The following BRINP1 variants were observed in gnomAD, a reference collection of about 807,000 sequenced individuals.
BRINP1 encodes the protein BMP/retinoic acid inducible neural specific 1.
In BRINP1, 17 loss-of-function variants were observed where a neutral mutation model predicts 72.9. That is an observed-to-expected ratio of 0.23 (90% CI 0.16 to 0.35). BRINP1 has a LOEUF of 0.35. Among genes scored for constraint, BRINP1 ranks in the 10% least tolerant of loss-of-function variants. The pLI is 1.00. For missense variants in BRINP1, 850 were observed against 1,001.6 expected (o/e 0.85, Z 2.04); for synonymous variants, 418 against 378.5 (o/e 1.10, Z -1.21).
At chr9:119,240,961 A>G (rs1830242135) in intron 4 of BRINP1, among the ~76,000 whole-genome samples, 1 of 152,218 alleles carries the variant, frequency 6.6e-6, no homozygotes. Flanking sequence ...TTTGAGATGG[A>G]AACATCTGCA....
intron 2 of BRINP1, among the ~76,000 whole-genome samples, chr9:119,276,088 G>A (rs183454215): frequency 6.6e-6 from 1 of 151,204 alleles, no homozygotes; most frequent in East Asian, 1.9e-4. Context: ...TCTCTTTCAT[G>A]CTTTTATCCC....
At chr9:119,231,893 C>A (rs1250868076) in intron 5 of BRINP1, among the ~76,000 whole-genome samples, 1 of 152,016 alleles carries the variant, frequency 6.6e-6, no homozygotes, top group Non-Finnish European at 1.5e-5. Flanking sequence ...CCCTCTCTCC[C>A]AAAGTAATCT....
chr9:119,209,773 A>G (rs1358748480), intron 6 of BRINP1, among the ~76,000 whole-genome samples: 2 of 152,234 alleles, frequency 1.3e-5, no homozygotes, highest in African/African-American at 2.4e-5. Context: ...AGCAAGTGTT[A>G]GGTGTTAAAG....
At chr9:119,314,383 T>G (rs1018855055) in intron 1 of BRINP1, among the ~76,000 whole-genome samples, 1 of 152,318 alleles carries the variant, frequency 6.6e-6, no homozygotes, top group African/African-American at 2.4e-5. Context: ...TTGTTTTGTT[T>G]GAGACGGAGT....
chr9:119,361,035 G>A (rs1831623703), intron 1 of BRINP1, among the ~76,000 whole-genome samples: 1 of 152,152 alleles, frequency 6.6e-6, no homozygotes, highest in South Asian at 2.1e-4. Context: ...GAAAACCTCT[G>A]CAAACTGAGA....
chr9:119,181,908 A>G (rs1829562314), intron 7 of BRINP1, among the ~76,000 whole-genome samples: 1 of 152,198 alleles, frequency 6.6e-6, no homozygotes. Flanking sequence ...TAATAATACA[A>G]TCCTTGCAAG....
At chr9:119,271,341 A>G (rs1437225231) in intron 2 of BRINP1, among the ~76,000 whole-genome samples, 1 of 151,446 alleles carries the variant, frequency 6.6e-6, no homozygotes, top group Non-Finnish European at 1.5e-5. Flanking sequence ...AAAAAAATCA[A>G]TATGTGGCCT....
chr9:119,167,095 T>C lies in BRINP1; in HGVS notation c.2275A>G (p.Lys759Glu), dbSNP rs1829323085. The change falls in exon 8 of 8, where the codon AAA becomes GAA. Residue 759 changes from lysine (K) to glutamate (E), a missense_variant. Lys to Glu is a moderately conservative substitution (Grantham distance 56). Transcript: ENST00000265922. The surrounding 1 kb of genome is among the most constrained non-coding windows in gnomAD (Gnocchi z 4.3). Reference protein sequence around the residue: ...ILKQSDQMTAKLC With the variant: ...ILKQSDQMTAELC ...CAAGGAGTCCCGGGTTAGCAGAGTT[T>C]GGCTGTCATCTGGTCCGACTGTTTG... is the stretch of plus-strand genomic sequence containing the variant. 2.5e-6 allele frequency: 4 copies of C among 1,601,344 alleles called. No individual in the cohort carries two copies. The highest frequency in any genetic ancestry group is 3.4e-6 in the Non-Finnish European group (4 of 1,171,360).
chr9:119,203,293 A>G (rs1156399290), intron 7 of BRINP1, among the ~76,000 whole-genome samples: 1 of 152,184 alleles, frequency 6.6e-6, no homozygotes, highest in East Asian at 1.9e-4. Flanking sequence ...GACCTTGGAT[A>G]AATTAATTAC....
At chr9:119,174,025 C>CA (rs1253115240) in intron 7 of BRINP1, among the ~76,000 whole-genome samples, 1 of 115,946 alleles carries the variant, frequency 8.6e-6, no homozygotes, top group Admixed American at 7.7e-5. Flanking sequence ...GACAGAAAAC[C>CA]TAGGCATTAC....
chr9:119,226,670 T>C (rs1368651341), intron 5 of BRINP1, among the ~76,000 whole-genome samples: 1 of 6,528 alleles, frequency 1.5e-4, no homozygotes, highest in Admixed American at 2.4e-3. Context: ...ATTCTAGGGT[T>C]TTTTTTTGTC....
At chr9:119,366,982 G>C (rs560017416) in intron 1 of BRINP1, among the ~76,000 whole-genome samples, 2 of 151,826 alleles carry the variant, frequency 1.3e-5, no homozygotes, top group Admixed American at 6.5e-5. Context: ...CTTGGCCCTA[G>C]TACCCCCTAC....
chr9:119,180,466 ACT>A (rs1191500410), intron 7 of BRINP1, among the ~76,000 whole-genome samples: 1 of 128,310 alleles, frequency 7.8e-6, no homozygotes, highest in Non-Finnish European at 1.7e-5. Flanking sequence ...GCTGTGTGTG[ACT>A]CTCTCTGTGC....
intron 1 of BRINP1, among the ~76,000 whole-genome samples, chr9:119,367,127 C>G (rs1009785306): frequency 6.6e-6 from 1 of 150,776 alleles, no homozygotes; most frequent in Non-Finnish European, 1.5e-5. Context: ...GCAGGTAGAA[C>G]CCACCCACTA....
rs569560419 is a variant in BRINP1, at chr9:119,175,113, AAAGTAT to A, written c.1146-6895_1146-6890del. On this transcript the variant is annotated intron_variant, in intron 7 of 7. Transcript: ENST00000265922. ...GCACATGTACCCTAAAACTTAAAGT[AAAGTAT>A]AAAAAAAAAAAAAGACAAAAAAAAA... is the stretch of plus-strand genomic sequence containing the variant. Among the ~76,000 whole-genome samples, 3 of 141,696 alleles carry A rather than the reference AAAGTAT, an allele frequency of 2.1e-5. No individual in the cohort carries two copies. The East Asian group carries it at 6.0e-4, about 29-fold the overall frequency. The allele number at this position is 141,696 out of a possible 152,430, so 93.0% of individuals were successfully genotyped here.
intron 1 of BRINP1, among the ~76,000 whole-genome samples, chr9:119,342,765 T>C (rs1043115388): frequency 3.9e-5 from 6 of 152,206 alleles, no homozygotes; most frequent in African/African-American, 1.4e-4. Flanking sequence ...TCTTAAGACA[T>C]AATTACTATT....
At chr9:119,287,635 C>T (rs181507635) in intron 2 of BRINP1, among the ~76,000 whole-genome samples, 3 of 152,286 alleles carry the variant, frequency 2.0e-5, no homozygotes, top group African/African-American at 7.2e-5. Flanking sequence ...ATGGAAGTAA[C>T]AGTCAAGTGC....
intron 5 of BRINP1, among the ~76,000 whole-genome samples, chr9:119,220,256 A>C (rs1830026386): frequency 6.6e-6 from 1 of 152,170 alleles, no homozygotes; most frequent in Non-Finnish European, 1.5e-5. Context: ...AAGTAACAGA[A>C]GAACTTTAGG....
intron 7 of BRINP1, among the ~76,000 whole-genome samples, chr9:119,188,801 C>T (rs1346926320): frequency 6.6e-6 from 1 of 151,818 alleles, no homozygotes; most frequent in African/African-American, 2.4e-5. Flanking sequence ...ATGGGAAGTA[C>T]TTCAACTAAA....
Sources: gnomAD v4.1 joint callset for allele counts (sites outside exome capture counted in the v4.1 genomes callset) on GRCh38, gnomAD v4.1.1 for gene constraint, Gnocchi (gnomAD v3.1) non-coding constraint, MANE v1.5 for transcripts, NCBI Gene and HGNC (gene_info 2026-07-23, HGNC 2026-07-21) for gene names.